CNOT7: variants seen among roughly 807,000 people sequenced by gnomAD.
CNOT7 encodes the protein CCR4-NOT transcription complex subunit 7.
A neutral mutation model predicts 37.1 loss-of-function variants in CNOT7; 4 were observed. The ratio of observed to expected loss-of-function variants is 0.11; its 90% CI spans 0.05 to 0.25. CNOT7 has a LOEUF of 0.25. Among genes scored for constraint, CNOT7 ranks in the 10% least tolerant of loss-of-function variants. The pLI is 1.00. For missense variants in CNOT7, 170 were observed against 336.2 expected (o/e 0.51, Z 3.87); for synonymous variants, 128 against 115.6 (o/e 1.11, Z -0.69).
Position 17,229,819 on chromosome 8 carries a change from A to G in CNOT7, c.*901T>C, listed in dbSNP as rs891070949. ...GTGTAACCAACAAATCAAGAGCATC[A>G]TAAGAATGGCTACAAAATTTAAAAA... On this transcript the variant is annotated 3_prime_UTR_variant, in exon 7 of 7. Coordinates refer to ENST00000361272, the MANE Select transcript of CNOT7 (RefSeq NM_013354.7). 8 of 146,132 alleles carry G rather than the reference A, an allele frequency of 5.5e-5. No individual in the cohort carries two copies. Among genetic ancestry groups the G allele is most frequent in the African/African-American group, 1.7e-4 (7 of 40,772 alleles). The allele number at this position is 146,132 out of a possible 1,614,324, so 9.1% of individuals were successfully genotyped here.
rs1348967105 is a variant in CNOT7, at chr8:17,225,774, C to A, written c.*4946G>T. On this transcript the variant is annotated 3_prime_UTR_variant, in exon 7 of 7. Transcript: ENST00000361272. ...GAAACTCTCATATAAATTACACCAACATAGCAAATGGCATGTGTGAACTGG... is the reference window on the plus strand; with the variant it reads ...GAAACTCTCATATAAATTACACCAAAATAGCAAATGGCATGTGTGAACTGG... 6.6e-6 allele frequency: 1 copy of A among 151,700 alleles called. No homozygotes were observed. The highest frequency in any genetic ancestry group is 1.5e-5 in the Non-Finnish European group (1 of 67,718). The allele number at this position is 151,700 out of a possible 1,614,324, so 9.4% of individuals were successfully genotyped here. A position where few individuals can be genotyped will look rare whatever the true frequency, so the allele number is the denominator to read the frequency against.
Position 17,226,028 on chromosome 8 carries a change from CCTTTTT to C in CNOT7, c.*4686_*4691del, listed in dbSNP as rs1808130788. 1 of 29,318 alleles carries C rather than the reference CCTTTTT, an allele frequency of 3.4e-5. No individual in the cohort carries two copies. The highest frequency in any genetic ancestry group is 7.6e-5 in the African/African-American group (1 of 13,188). 1.8% of individuals were successfully genotyped at this position (29,318 alleles called of 1,614,324 possible). A position where few individuals can be genotyped will look rare whatever the true frequency, so the allele number is the denominator to read the frequency against. ...TTCTTCTAGTAGAGAGGTGGACAAG[CCTTTTT>C]TTTTTTTTTTTTTTTTTTTTTGAAA... On this transcript the variant is annotated 3_prime_UTR_variant, in exon 7 of 7. Coordinates refer to ENST00000361272, the MANE Select transcript of CNOT7 (RefSeq NM_013354.7).
intron 5 of CNOT7, 87 bp downstream of exon 5, chr8:17,234,629 T>C (rs1809094101): frequency 7.1e-7 from 1 of 1,402,998 alleles, no homozygotes; most frequent in Non-Finnish European, 1.0e-6. Context: ...AAAATATGGT[T>C]TAAAACAACA....
In CNOT7 at chr8:17,229,952, T is replaced by C. The variant is rs532882454; in HGVS notation, c.*768A>G. On this transcript the variant is annotated 3_prime_UTR_variant, in exon 7 of 7. Coordinates refer to ENST00000361272, the MANE Select transcript of CNOT7 (RefSeq NM_013354.7). The stretch of plus-strand genomic sequence containing the variant: ...TCTTGAGTACCAGTTTCCTGGCAGA[T>C]AGTAAACATCCAATCACAAGGGATT... 2 of 152,480 alleles carry C rather than the reference T, an allele frequency of 1.3e-5. No homozygotes were observed. The highest frequency in any genetic ancestry group is 1.9e-4 in the East Asian group (1 of 5,164). 9.4% of individuals were successfully genotyped at this position (152,480 alleles called of 1,614,324 possible).
At position 17,226,750 on chromosome 8, in the gene CNOT7, T is replaced by C. The variant is rs954604065; in HGVS notation, c.*3970A>G. The C allele has an allele frequency of 6.6e-6, 1 of 151,804 alleles. No individual in the cohort carries two copies. The highest frequency in any genetic ancestry group is 1.5e-5 in the Non-Finnish European group (1 of 67,750). The allele number at this position is 151,804 out of a possible 1,614,324, so 9.4% of individuals were successfully genotyped here. A position where few individuals can be genotyped will look rare whatever the true frequency, so the allele number is the denominator to read the frequency against. On this transcript the variant is annotated 3_prime_UTR_variant, in exon 7 of 7. Transcript: ENST00000361272. ...TGACAATCTTAAGTTTTAGTTTTTA[T>C]TGAAATGAATTTACCATATTATGTT...
At position 17,232,434 on chromosome 8, in the gene CNOT7, A is replaced by G; in HGVS notation, c.722T>C (p.Met241Thr). 6.2e-7 allele frequency: 1 copy of G among 1,614,010 alleles called. No individual in the cohort carries two copies. Among genetic ancestry groups the G allele is most frequent in the Non-Finnish European group, 8.5e-7 (1 of 1,179,970 alleles). Residue 241 changes from methionine to threonine, a missense_variant, in exon 6 of 7, where the codon ATG becomes ACG. Met to Thr is a moderately conservative substitution (Grantham distance 81). Coordinates refer to ENST00000361272, the MANE Select transcript of CNOT7 (RefSeq NM_013354.7). The part of the protein sequence containing the change: ...SLLTGMAFFK[M>T]REMFFEDHID... The stretch of plus-strand genomic sequence containing the variant: ...GCAGTGATGTCTTCATACTTCTCTC[A>G]TTTTGAAAAAGGCCATTCCTGTGAG...
Position 17,225,421 on chromosome 8 carries a change from G to A in CNOT7, c.*5299C>T, listed in dbSNP as rs1008099174. ...ACCAGTTTATCTTTAAAAAGAAAAT[G>A]AGTAATTCTGGAGAAATGTAGCTTG... On this transcript the variant is annotated 3_prime_UTR_variant, in exon 7 of 7. Coordinates refer to ENST00000361272, the MANE Select transcript of CNOT7 (RefSeq NM_013354.7). 1 of 151,708 alleles carries A rather than the reference G, an allele frequency of 6.6e-6. No individual in the cohort carries two copies. The highest frequency in any genetic ancestry group is 1.9e-4 in the East Asian group (1 of 5,188). 9.4% of individuals were successfully genotyped at this position (151,708 alleles called of 1,614,324 possible).
intron 6 of CNOT7, among the ~76,000 whole-genome samples, chr8:17,231,097 C>G (rs1232948495): frequency 1.3e-5 from 2 of 151,998 alleles, no homozygotes; most frequent in Admixed American, 6.6e-5. Context: ...TCCATTTAGA[C>G]CATTTTTATA....
rs1274406561 is a variant in CNOT7, at chr8:17,225,021, G to C, written c.*5699C>G. The C allele has an allele frequency of 6.6e-6, 1 of 151,708 alleles. No homozygotes were observed. The highest frequency in any genetic ancestry group is 1.9e-4 in the East Asian group (1 of 5,198). 9.4% of individuals were successfully genotyped at this position (151,708 alleles called of 1,614,324 possible). ...GGTTTCGCAGTGATACAAGACACCT[G>C]CTCACAACTTACAGTATTAATTTTT... On this transcript the variant is annotated 3_prime_UTR_variant, in exon 7 of 7. Coordinates refer to ENST00000361272, the MANE Select transcript of CNOT7 (RefSeq NM_013354.7).
chr8:17,245,026 G>T lies in CNOT7; in HGVS notation c.117+10C>A. The T allele has an allele frequency of 6.2e-7, 1 of 1,601,940 alleles. No individual in the cohort carries two copies. The highest frequency in any genetic ancestry group is 8.5e-7 in the Non-Finnish European group (1 of 1,170,432). On this transcript the variant is annotated intron_variant, in intron 2 of 6. Coordinates refer to ENST00000361272, the MANE Select transcript of CNOT7 (RefSeq NM_013354.7). ...TATGAAGCGTTTTAAAGATCTGCTT[G>T]TGGGCATACCATAGCAACGTAATTA...
At chr8:17,237,072 C>A (rs1309100473) in intron 4 of CNOT7, 140 bp downstream of exon 4, 16 of 782,912 alleles carry the variant, frequency 2.0e-5, no homozygotes, top group Non-Finnish European at 3.1e-5. Flanking sequence ...CATTAGCCTC[C>A]TAAGAGTTAG....
intron 1 of CNOT7, chr8:17,246,244 T>TC (rs1329029509): frequency 6.6e-6 from 1 of 152,190 alleles, no homozygotes; most frequent in Non-Finnish European, 1.5e-5. Context: ...AGAAAGCATC[T>TC]CCGTACTGCA....
rs1449913118 is a variant in CNOT7, at chr8:17,245,213, T to A, written c.-61A>T. ...AAAATGTTATACTTGATTGAAGATT[T>A]GTTTCATAAAATATTTTATCCTTTA... On this transcript the variant is annotated 5_prime_UTR_variant, in exon 2 of 7. Coordinates refer to ENST00000361272, the MANE Select transcript of CNOT7 (RefSeq NM_013354.7). 27 of 1,510,914 alleles carry A rather than the reference T, an allele frequency of 1.8e-5. No homozygotes were observed. Among genetic ancestry groups the A allele is most frequent in the African/African-American group, 2.8e-5 (2 of 70,708 alleles). The allele number at this position is 1,510,914 out of a possible 1,614,324, so 93.6% of individuals were successfully genotyped here.
chr8:17,233,804 A>T (rs987579363), intron 5 of CNOT7, among the ~76,000 whole-genome samples: 1 of 152,212 alleles, frequency 6.6e-6, no homozygotes, highest in Non-Finnish European at 1.5e-5. Flanking sequence ...CATGTATTAA[A>T]GGTAAACACT....
chr8:17,233,127 TG>T (rs1283228096), intron 5 of CNOT7, among the ~76,000 whole-genome samples: 5 of 149,712 alleles, frequency 3.3e-5, no homozygotes, highest in Non-Finnish European at 7.4e-5. Flanking sequence ...AAGATGAGAG[TG>T]GAAAGAGTGG....
chr8:17,231,156 T>A (rs1298191605), intron 6 of CNOT7, among the ~76,000 whole-genome samples: 1 of 152,054 alleles, frequency 6.6e-6, no homozygotes, highest in East Asian at 1.9e-4. Context: ...TTAACAATAC[T>A]CAAGAATGAA....
Position 17,237,237 on chromosome 8 carries a change from C to A in CNOT7, c.448G>T (p.Gly150Trp). 1 of 1,614,090 alleles carries A rather than the reference C, an allele frequency of 6.2e-7. No homozygotes were observed. Among genetic ancestry groups the A allele is most frequent in the Non-Finnish European group, 8.5e-7 (1 of 1,179,986 alleles). ...LMTSGVVLCEGVKWLSFHSGY... is the reference protein window; with the variant it reads ...LMTSGVVLCEWVKWLSFHSGY... The stretch of plus-strand genomic sequence containing the variant: ...CTATGAAATGACAACCATTTGACCC[C>A]TTCACAGAGGACCACTCCAGAAGTC... Residue 150 changes from glycine to tryptophan, a missense_variant, in exon 4 of 7, where the codon GGG becomes TGG. By Grantham distance (184) the Gly-to-Trp change is radical. Coordinates refer to ENST00000361272, the MANE Select transcript of CNOT7 (RefSeq NM_013354.7).
rs1213464801 is a variant in CNOT7, at chr8:17,230,576, C to T, written c.*144G>A. The T allele has an allele frequency of 3.8e-6, 2 of 525,488 alleles. No individual in the cohort carries two copies. The highest frequency in any genetic ancestry group is 6.4e-6 in the Non-Finnish European group (2 of 311,060). The allele number at this position is 525,488 out of a possible 1,614,324, so 32.6% of individuals were successfully genotyped here. A position where few individuals can be genotyped will look rare whatever the true frequency, so the allele number is the denominator to read the frequency against. Reference sequence around the variant, plus strand: ...AAGATCTGAGATAGGAACGGTCATACTTAGTACTGAAAGGCAGACAATAAA... The same window carrying T: ...AAGATCTGAGATAGGAACGGTCATATTTAGTACTGAAAGGCAGACAATAAA... On this transcript the variant is annotated 3_prime_UTR_variant, in exon 7 of 7. Coordinates refer to ENST00000361272, the MANE Select transcript of CNOT7 (RefSeq NM_013354.7).
rs186027891 is a variant in CNOT7, at chr8:17,246,591, C to T, written c.-96+84G>A. On this transcript the variant is annotated intron_variant, in intron 1 of 6. Transcript: ENST00000361272. ...ACTCCAGCTGGCGCCATCGCGCACC[C>T]TCTCAGGTTCATCGTCCCCGCCCCC... 4.1e-3 allele frequency: 645 copies of T among 155,744 alleles called. 19 individuals carry two copies. Among genetic ancestry groups the T allele is most frequent in the Admixed American group, 0.04 (608 of 15,328 alleles). The allele number at this position is 155,744 out of a possible 1,614,324, so 9.6% of individuals were successfully genotyped here. A position where few individuals can be genotyped will look rare whatever the true frequency, so the allele number is the denominator to read the frequency against.
Sources: gnomAD v4.1 joint callset for allele counts (sites outside exome capture counted in the v4.1 genomes callset) on GRCh38, gnomAD v4.1.1 for gene constraint, MANE v1.5 for transcripts, NCBI Gene and HGNC (gene_info 2026-07-23, HGNC 2026-07-21) for gene names.